ARHGAP44: variants seen among roughly 807,000 people sequenced by gnomAD.
The protein encoded by ARHGAP44 is rho GTPase-activating protein 44.
ARHGAP44 carries 43 observed loss-of-function variants against 106.8 expected under a neutral mutation model. The ratio of observed to expected loss-of-function variants is 0.40; its 90% CI spans 0.32 to 0.52. The LOEUF is 0.52. ARHGAP44 is among the 20% of genes least tolerant of loss of function. The probability of loss-of-function intolerance (pLI) is 0.48; values close to 1 mark genes in which losing one functional copy is unlikely to be tolerated. For missense variants in ARHGAP44, 866 were observed against 1,050.5 expected, an observed-to-expected ratio of 0.82 and a Z score of 2.43; for synonymous variants, 439 against 410.3, an observed-to-expected ratio of 1.07 and a Z score of -0.85.
intron 1 of ARHGAP44, among the ~76,000 whole-genome samples, chr17:12,804,351 G>A (rs764302277): frequency 6.6e-6 from 1 of 152,210 alleles, no homozygotes; most frequent in Non-Finnish European, 1.5e-5. Flanking sequence ...TGTCTTTGAA[G>A]CCAGAAAGTA....
intron 7 of ARHGAP44, among the ~76,000 whole-genome samples, chr17:12,936,208 C>T (rs1320881897): frequency 1.3e-5 from 2 of 152,146 alleles, no homozygotes; most frequent in Admixed American, 6.5e-5. Flanking sequence ...GCATCATTGT[C>T]TTCCATAGTT....
rs1452522088 is a variant in ARHGAP44 at position 12,911,129 on chromosome 17, A to G, written c.275+2156A>G. ...AATCATTGCATATATCTCTGCAATC[A>G]TAGGAGATGTAAATGGAATAAACTC... On this transcript the variant is annotated intron_variant, in intron 4 of 20. Transcript: ENST00000379672. Among the ~76,000 whole-genome samples, 12 of 152,206 alleles carry G rather than the reference A, an allele frequency of 7.9e-5. No individual in the cohort carries two copies. In the East Asian group the frequency reaches 1.7e-3, roughly 22 times the overall value.
intron 1 of ARHGAP44, among the ~76,000 whole-genome samples, chr17:12,847,930 T>A (rs572834823): frequency 1.3e-5 from 2 of 152,360 alleles, no homozygotes; most frequent in South Asian, 4.1e-4. Context: ...GTTAATGCTG[T>A]CCTAACAGTA....
intron 20 of ARHGAP44, 132 bp from the exon 21 acceptor site, chr17:12,989,900 C>A: frequency 2.2e-6 from 3 of 1,352,448 alleles, no homozygotes; most frequent in South Asian, 2.7e-5. Context: ...AATGCTTAAA[C>A]CAACCTCCAA....
intron 1 of ARHGAP44, among the ~76,000 whole-genome samples, chr17:12,858,080 A>G (rs960791822): frequency 4.6e-5 from 7 of 152,166 alleles, no homozygotes; most frequent in African/African-American, 1.4e-4. Context: ...CGCAGTTGGA[A>G]GGAAGAACAG....
chr17:12,809,691 G>A (rs1162185974), intron 1 of ARHGAP44, among the ~76,000 whole-genome samples: 1 of 152,146 alleles, frequency 6.6e-6, no homozygotes, highest in Non-Finnish European at 1.5e-5. Flanking sequence ...TGGTGCCAGA[G>A]TGACTAGGTA....
chr17:12,974,507 A>T (rs1188077310), intron 18 of ARHGAP44, among the ~76,000 whole-genome samples, 197 bp downstream of exon 18: 1 of 152,106 alleles, frequency 6.6e-6, no homozygotes, highest in Admixed American at 6.6e-5. Context: ...CACGAAGTCC[A>T]GTCTTCCCCA....
chr17:12,804,954 A>G (rs1053450131), intron 1 of ARHGAP44, among the ~76,000 whole-genome samples: 1 of 152,176 alleles, frequency 6.6e-6, no homozygotes, highest in Admixed American at 6.5e-5. Context: ...TTGAATGGGA[A>G]TCTGGTGTCC....
At chr17:12,962,913 C>T (rs1003001764) in intron 16 of ARHGAP44, among the ~76,000 whole-genome samples, 7 of 151,984 alleles carry the variant, frequency 4.6e-5, no homozygotes, top group African/African-American at 7.3e-5. Flanking sequence ...GGCATCGTGG[C>T]GCATGCCTGT....
intron 1 of ARHGAP44, among the ~76,000 whole-genome samples, chr17:12,852,844 T>G (rs1487707360): frequency 6.6e-6 from 1 of 152,122 alleles, no homozygotes; most frequent in Non-Finnish European, 1.5e-5. Context: ...CCTGGCTTGT[T>G]TGCTGTGTTT....
intron 4 of ARHGAP44, among the ~76,000 whole-genome samples, chr17:12,914,418 T>G (rs1306476274): frequency 6.6e-6 from 1 of 152,180 alleles, no homozygotes; most frequent in Non-Finnish European, 1.5e-5. Flanking sequence ...TGGGACAGCT[T>G]AACATAATGG....
At position 12,789,606 on chromosome 17, in the gene ARHGAP44, C is replaced by T. The variant is rs1005162532; in HGVS notation, c.-233C>T. 4 of 306,594 alleles carry T rather than the reference C, an allele frequency of 1.3e-5. No homozygotes were observed. Among genetic ancestry groups the T allele is most frequent in the Non-Finnish European group, 2.4e-5 (4 of 168,392 alleles). The allele number at this position is 306,594 out of a possible 1,614,324, so 19.0% of individuals were successfully genotyped here. ...GACGGCCCCAGGCATTGCTCTGCCCCGGGCATTGCGCGGCGCGCGTGAGGG... is the reference window on the plus strand; with the variant it reads ...GACGGCCCCAGGCATTGCTCTGCCCTGGGCATTGCGCGGCGCGCGTGAGGG... On this transcript the variant is annotated 5_prime_UTR_variant, in exon 1 of 21. Transcript: ENST00000379672.
At chr17:12,961,749 A>G (rs1273320836) in intron 16 of ARHGAP44, among the ~76,000 whole-genome samples, 1 of 152,170 alleles carries the variant, frequency 6.6e-6, no homozygotes, top group African/African-American at 2.4e-5. Context: ...AAAAAAAGTT[A>G]AATTCAATGA....
At chr17:12,896,725 C>T (rs984682451) in intron 3 of ARHGAP44, among the ~76,000 whole-genome samples, 1 of 152,226 alleles carries the variant, frequency 6.6e-6, no homozygotes, top group East Asian at 1.9e-4. Context: ...ATCCCCCGCC[C>T]TCCACAGGCA....
At chr17:12,928,043 T>C (rs2038297442) in intron 6 of ARHGAP44, among the ~76,000 whole-genome samples, 1 of 152,166 alleles carries the variant, frequency 6.6e-6, no homozygotes, top group South Asian at 2.1e-4. Context: ...TGGAACCATC[T>C]TTCCAATTAT....
At chr17:12,916,440 G>A (rs1405461255) in intron 5 of ARHGAP44, among the ~76,000 whole-genome samples, 1 of 152,054 alleles carries the variant, frequency 6.6e-6, no homozygotes, top group Non-Finnish European at 1.5e-5. Flanking sequence ...CTGGAGTGCA[G>A]TGGTACGATC....
intron 18 of ARHGAP44, among the ~76,000 whole-genome samples, chr17:12,979,333 A>C (rs1327607753): frequency 6.6e-6 from 1 of 152,184 alleles, no homozygotes; most frequent in Non-Finnish European, 1.5e-5. Context: ...AGTAACGATG[A>C]ATCCTCTTTA....
chr17:12,908,133 G>C (rs2037614583), intron 3 of ARHGAP44, among the ~76,000 whole-genome samples: 1 of 150,928 alleles, frequency 6.6e-6, no homozygotes, highest in South Asian at 2.1e-4. Flanking sequence ...ACTCTTTCTG[G>C]GTTATAATTG....
intron 1 of ARHGAP44, among the ~76,000 whole-genome samples, chr17:12,886,449 A>G: frequency 6.6e-6 from 1 of 152,180 alleles, no homozygotes; most frequent in Non-Finnish European, 1.5e-5. Flanking sequence ...AATACCACAG[A>G]CATGCTTTTT....
Sources: gnomAD v4.1 joint callset for allele counts (sites outside exome capture counted in the v4.1 genomes callset) on GRCh38, gnomAD v4.1.1 for gene constraint, MANE v1.5 for transcripts, NCBI Gene and HGNC (gene_info 2026-07-23, HGNC 2026-07-21) for gene names.